ADAMTS17: variants seen among roughly 807,000 people sequenced by gnomAD.
ADAMTS17 encodes ADAM metallopeptidase with thrombospondin type 1 motif 17, also known as A disintegrin and metalloproteinase with thrombospondin motifs 17.
A neutral mutation model predicts 141.5 loss-of-function variants in ADAMTS17; 113 were observed. That is an observed-to-expected ratio of 0.80 (90% CI 0.69 to 0.93). The LOEUF is 0.93. ADAMTS17 is among the 40% of genes least tolerant of loss of function. ADAMTS17 has a pLI of 0.00. For missense variants in ADAMTS17, 1,659 were observed against 1,517.9 expected, an observed-to-expected ratio of 1.09 and a Z score of -1.54; for synonymous variants, 768 against 630.6, an observed-to-expected ratio of 1.22 and a Z score of -3.27.
At chr15:100,144,277 C>T (rs62036163) in intron 10 of ADAMTS17, among the ~76,000 whole-genome samples, 35,748 of 152,068 alleles carry the variant, frequency 0.24, 5,007 homozygotes, top group East Asian at 0.34. Context: ...CGTGGCTGGG[C>T]GTGGTGGCTC....
Position 100,261,362 on chromosome 15 carries a change from C to A in ADAMTS17, c.1031+117G>T. ...ACTAATGAGGAAACCAAAACCCAGA[C>A]AGGTGGCCCAAGGTCTGATTTCCAA... On this transcript the variant is annotated intron_variant, in intron 6 of 21. Coordinates refer to ENST00000268070, the MANE Select transcript of ADAMTS17 (RefSeq NM_139057.4). 4.2e-6 allele frequency: 6 copies of A among 1,428,332 alleles called. No homozygotes were observed. The South Asian group carries it at 6.2e-5, about 15-fold the overall frequency. The allele number at this position is 1,428,332 out of a possible 1,614,324, so 88.5% of individuals were successfully genotyped here.
chr15:100,276,698 G>A (rs757494616), intron 4 of ADAMTS17, among the ~76,000 whole-genome samples: 19 of 152,116 alleles, frequency 1.2e-4, no homozygotes, highest in Non-Finnish European at 2.4e-4. Context: ...ATGCTCTGGA[G>A]GGAAACAGAT....
chr15:100,258,391 T>C (rs775701888), intron 6 of ADAMTS17, among the ~76,000 whole-genome samples: 1 of 152,214 alleles, frequency 6.6e-6, no homozygotes, highest in Non-Finnish European at 1.5e-5. Context: ...TTATTTTCCA[T>C]TGTTTTGCGT....
rs1027870416 is a variant in ADAMTS17, at chr15:100,322,727, C to A, written c.616+8162G>T. Among the ~76,000 whole-genome samples the A allele has an allele frequency of 2.6e-5, 4 of 152,150 alleles. No individual in the cohort carries two copies. The East Asian group carries it at 7.7e-4, about 29-fold the overall frequency. On this transcript the variant is annotated intron_variant, in intron 3 of 21. Coordinates refer to ENST00000268070, the MANE Select transcript of ADAMTS17 (RefSeq NM_139057.4). ...TGGATGAAAAGACAGGAAATTGCAG[C>A]AGAAATACTGACACTACTTAAAAAA...
chr15:100,250,438 ATTT>A (rs1022765319), intron 7 of ADAMTS17, among the ~76,000 whole-genome samples: 1 of 152,178 alleles, frequency 6.6e-6, no homozygotes, highest in African/African-American at 2.4e-5. Flanking sequence ...GACTCAGATT[ATTT>A]TTCCATTCTG....
intron 18 of ADAMTS17, among the ~76,000 whole-genome samples, chr15:100,003,846 G>A (rs1322502583): frequency 6.6e-6 from 1 of 151,254 alleles, no homozygotes; most frequent in Non-Finnish European, 1.5e-5. Context: ...TAGAATGATG[G>A]TTGCCAGGAG....
chr15:100,294,034 T>G (rs79526844), intron 3 of ADAMTS17, among the ~76,000 whole-genome samples: 1 of 152,152 alleles, frequency 6.6e-6, no homozygotes, highest in Non-Finnish European at 1.5e-5. Context: ...AGTTTCCTTG[T>G]CTATAAGGCA....
chr15:100,194,553 T>C (rs1320041755), intron 8 of ADAMTS17, among the ~76,000 whole-genome samples: 2 of 152,216 alleles, frequency 1.3e-5, no homozygotes, highest in Non-Finnish European at 2.9e-5. Context: ...ATTTTTGCTT[T>C]TTCTCACGGG....
At chr15:100,218,884 C>T (rs1481519827) in intron 7 of ADAMTS17, among the ~76,000 whole-genome samples, 1 of 107,054 alleles carries the variant, frequency 9.3e-6, no homozygotes, top group African/African-American at 3.3e-5. Context: ...AACACGCAAA[C>T]GTCCACCTGA....
chr15:100,073,732 G>T (rs1467054107), intron 15 of ADAMTS17, among the ~76,000 whole-genome samples: 2 of 132,820 alleles, frequency 1.5e-5, no homozygotes, highest in Non-Finnish European at 3.1e-5. Flanking sequence ...ATGGATACAG[G>T]AAGGGGAACA....
chr15:100,298,518 C>T (rs2044906643), intron 3 of ADAMTS17, among the ~76,000 whole-genome samples: 1 of 152,164 alleles, frequency 6.6e-6, no homozygotes, highest in African/African-American at 2.4e-5. Flanking sequence ...CCCATAAACA[C>T]ACCCCAGATG....
chr15:100,295,143 A>C (rs957278043), intron 3 of ADAMTS17, among the ~76,000 whole-genome samples: 3 of 152,176 alleles, frequency 2.0e-5, no homozygotes, highest in Non-Finnish European at 4.4e-5. Flanking sequence ...GATATAATCA[A>C]AATATCTTCA....
intron 10 of ADAMTS17, among the ~76,000 whole-genome samples, chr15:100,143,066 G>GA (rs1267499305): frequency 6.6e-6 from 1 of 152,218 alleles, no homozygotes; most frequent in Non-Finnish European, 1.5e-5. Context: ...AAGCAGTAGG[G>GA]AAAGGGGTGG....
chr15:100,286,986 G>A (rs917621768), intron 3 of ADAMTS17, among the ~76,000 whole-genome samples: 6 of 152,310 alleles, frequency 3.9e-5, no homozygotes, highest in East Asian at 3.9e-4. Flanking sequence ...TCAAGAGATC[G>A]AGACCATCCT....
At chr15:100,143,893 T>C (rs1480630844) in intron 10 of ADAMTS17, among the ~76,000 whole-genome samples, 1 of 152,182 alleles carries the variant, frequency 6.6e-6, no homozygotes, top group Non-Finnish European at 1.5e-5. Context: ...TGATTGGTCT[T>C]AAAACAGCTA....
intron 3 of ADAMTS17, among the ~76,000 whole-genome samples, chr15:100,314,790 G>T (rs563658907): frequency 6.6e-6 from 1 of 152,316 alleles, no homozygotes. Flanking sequence ...CAGCCACAAA[G>T]ACAGGAGGCT....
chr15:100,298,187 C>G (rs186887471), intron 3 of ADAMTS17, among the ~76,000 whole-genome samples: 36 of 152,116 alleles, frequency 2.4e-4, no homozygotes, highest in Admixed American at 1.5e-3. Context: ...GCTAGAAGGT[C>G]CTAGAGTCAA....
At chr15:99,977,400 A>ATAT (rs1491361858) in intron 20 of ADAMTS17, among the ~76,000 whole-genome samples, 37 of 4,720 alleles carry the variant, frequency 7.8e-3, no homozygotes, top group South Asian at 0.017. Context: ...ATATATATAT[A>ATAT]ATTTTTTTTT....
intron 18 of ADAMTS17, among the ~76,000 whole-genome samples, chr15:100,007,697 G>T (rs1359680321): frequency 6.6e-6 from 1 of 152,098 alleles, no homozygotes; most frequent in Admixed American, 6.5e-5. Context: ...GGAGGAGCTG[G>T]CCTGCGGTGG....
Sources: gnomAD v4.1 joint callset for allele counts (sites outside exome capture counted in the v4.1 genomes callset) on GRCh38, gnomAD v4.1.1 for gene constraint, MANE v1.5 for transcripts, NCBI Gene and HGNC (gene_info 2026-07-23, HGNC 2026-07-21) for gene names.